The following ZNF560 variants were observed in gnomAD, a reference collection of about 807,000 sequenced individuals.
ZNF560 encodes zinc finger protein 560.
ZNF560 carries 54 observed loss-of-function variants against 81.8 expected under a neutral mutation model. The ratio of observed to expected loss-of-function variants is 0.66; its 90% CI spans 0.53 to 0.83. The LOEUF is 0.83. Ranked by LOEUF, ZNF560 falls within the 40% of genes least tolerant of loss-of-function variation. ZNF560 has a pLI of 0.00. For missense variants in ZNF560, 940 were observed against 932.4 expected (o/e 1.01, Z -0.11); for synonymous variants, 321 against 317.9 (o/e 1.01, Z -0.10).
intron 2 of ZNF560, among the ~76,000 whole-genome samples, chr19:9,487,098 C>A (rs774575512): frequency 6.6e-6 from 1 of 151,684 alleles, no homozygotes; most frequent in Non-Finnish European, 1.5e-5. Flanking sequence ...ATTGTGTGGT[C>A]CACCTCCAGC....
chr19:9,484,706 C>T (rs987525622), intron 2 of ZNF560, among the ~76,000 whole-genome samples: 1 of 151,222 alleles, frequency 6.6e-6, no homozygotes, highest in African/African-American at 2.4e-5. Context: ...TTGCTTGAAC[C>T]GCAGAGGCGG....
rs774081917 is a variant in ZNF560 at position 9,469,619 on chromosome 19, C to T, written c.529+11G>A. 6.2e-7 allele frequency: 1 copy of T among 1,613,616 alleles called. No individual in the cohort carries two copies. The highest frequency in any genetic ancestry group is 8.5e-7 in the Non-Finnish European group (1 of 1,179,524). ...TCTCATGGACCAGGGTTGTTCTTCACAAACACTCACCTTGGAGAACTCTTG... is the reference window on the plus strand; with the variant it reads ...TCTCATGGACCAGGGTTGTTCTTCATAAACACTCACCTTGGAGAACTCTTG... On this transcript the variant is annotated intron_variant, in intron 8 of 9. Coordinates refer to ENST00000301480, the MANE Select transcript of ZNF560 (RefSeq NM_152476.3).
chr19:9,505,414 A>G, the ZNF560 span, among the ~76,000 whole-genome samples: 1 of 152,222 alleles, frequency 6.6e-6, no homozygotes, highest in African/African-American at 2.4e-5. Context: ...CTTTTTATAT[A>G]AAGTGAATTT....
intron 2 of ZNF560, among the ~76,000 whole-genome samples, chr19:9,479,775 A>C (rs1224228936): frequency 2.6e-5 from 4 of 152,158 alleles, no homozygotes; most frequent in Non-Finnish European, 5.9e-5. Context: ...ATCTAAAGAT[A>C]TTTTAAAGTA....
Position 9,467,767 on chromosome 19 carries a change from G to A in ZNF560, c.1180C>T (p.His394Tyr), listed in dbSNP as rs757870097. The change falls in exon 10 of 10, where the codon CAT becomes TAT. Residue 394 changes from histidine (H) to tyrosine (Y), a missense_variant. Coordinates refer to ENST00000301480, the MANE Select transcript of ZNF560 (RefSeq NM_152476.3). ...TTCTCTCCAGTGTGAGTTCGTACAT[G>A]TTCAAGAAAGCCTGACGGCACAGTG... ...TFTVPSGFLE[H>Y]VRTHTGEKPY... 6.2e-7 allele frequency: 1 copy of A among 1,614,032 alleles called. No individual in the cohort carries two copies. Among genetic ancestry groups the A allele is most frequent in the African/African-American group, 1.3e-5 (1 of 74,928 alleles).
chr19:9,494,110 G>A lies in ZNF560; in HGVS notation c.-57+4018C>T, dbSNP rs569472292. ...TCACACCACCACTCCCAGCCTGGGC[G>A]AAAGAGTGAGACTCCATCTCAAAAA... On this transcript the variant is annotated intron_variant, in intron 2 of 9. Transcript: ENST00000301480. 1.3e-4 allele frequency among the ~76,000 whole-genome samples: 17 copies of A among 130,968 alleles called. No homozygotes were observed. In the South Asian group the frequency reaches 2.2e-3, roughly 17 times the overall value. 85.9% of individuals were successfully genotyped at this position (130,968 alleles called of 152,430 possible). A position where few individuals can be genotyped will look rare whatever the true frequency, so the allele number is the denominator to read the frequency against.
chr19:9,475,898 A>G (rs2073194308), intron 2 of ZNF560, among the ~76,000 whole-genome samples: 1 of 152,002 alleles, frequency 6.6e-6, no homozygotes, highest in Non-Finnish European at 1.5e-5. Flanking sequence ...GAGCCACTGC[A>G]CCTAGCCAGG....
the ZNF560 span, among the ~76,000 whole-genome samples, chr19:9,455,852 G>T: frequency 3.3e-5 from 5 of 152,072 alleles, no homozygotes; most frequent in African/African-American, 1.2e-4. Context: ...GACTGAGAGT[G>T]GGTAAAGGAA....
the ZNF560 span, among the ~76,000 whole-genome samples, chr19:9,457,248 G>A: frequency 6.6e-6 from 1 of 152,116 alleles, no homozygotes; most frequent in East Asian, 1.9e-4. Context: ...ATAACCTATT[G>A]GGGCATTACA....
downstream of ZNF560, among the ~76,000 whole-genome samples, chr19:9,465,554 G>A (rs538531205): frequency 6.6e-6 from 1 of 152,202 alleles, no homozygotes; most frequent in Admixed American, 6.5e-5. Context: ...TCATCAGAGT[G>A]TAAGTTCTTT....
chr19:9,489,155 G>C (rs1222801004), intron 2 of ZNF560, among the ~76,000 whole-genome samples: 1 of 152,244 alleles, frequency 6.6e-6, no homozygotes, highest in African/African-American at 2.4e-5. Context: ...AACTTGGAGA[G>C]GGCAGAAAGA....
chr19:9,462,723 A>G (rs1212527463), downstream of ZNF560, among the ~76,000 whole-genome samples: 1 of 152,216 alleles, frequency 6.6e-6, no homozygotes, highest in East Asian at 1.9e-4. Context: ...AATTACAAAG[A>G]TAATATAACA....
chr19:9,464,680 T>C (rs2072987449), downstream of ZNF560, among the ~76,000 whole-genome samples: 3 of 152,166 alleles, frequency 2.0e-5, no homozygotes, highest in Non-Finnish European at 4.4e-5. Context: ...ATCTACACTG[T>C]TAAAACAGGA....
At chr19:9,448,932 CAA>C in the ZNF560 span, among the ~76,000 whole-genome samples, 1 of 152,160 alleles carries the variant, frequency 6.6e-6, no homozygotes, top group Non-Finnish European at 1.5e-5. Context: ...GAAAAAAGGA[CAA>C]AGAGCACTAT....
chr19:9,469,199 G>A lies in ZNF560; in HGVS notation c.530-12C>T, dbSNP rs964573799. 4 of 1,566,872 alleles carry A rather than the reference G, an allele frequency of 2.6e-6. No homozygotes were observed. The highest frequency in any genetic ancestry group is 4.0e-5 in the Admixed American group (2 of 50,162). ...GCACATTTTCCATTCTGAAATAAAA[G>A]AGAAAAATATACATGAGAGTTTACA... On this transcript the variant is annotated splice_polypyrimidine_tract_variant and intron_variant, in intron 8 of 9. Transcript: ENST00000301480.
chr19:9,482,445 G>C (rs972782121), intron 2 of ZNF560, among the ~76,000 whole-genome samples: 1 of 149,492 alleles, frequency 6.7e-6, no homozygotes. Context: ...AGGGAGGGGG[G>C]AAGGGGGAGA....
chr19:9,483,648 G>A (rs1188124004), intron 2 of ZNF560, among the ~76,000 whole-genome samples: 1 of 145,800 alleles, frequency 6.9e-6, no homozygotes, highest in Non-Finnish European at 1.5e-5. Flanking sequence ...CCCCCCGCCG[G>A]CCAGCCGCCC....
rs756697156 is a variant in ZNF560, at chr19:9,474,189, G to C, written c.157+10C>G. On this transcript the variant is annotated intron_variant, in intron 4 of 9. Coordinates refer to ENST00000301480, the MANE Select transcript of ZNF560 (RefSeq NM_152476.3). ...CCCTAAGAGGCTGCATAAAATGATGGCAGTCTTACCTACTTTGGCCACGTT... is the reference window on the plus strand; with the variant it reads ...CCCTAAGAGGCTGCATAAAATGATGCCAGTCTTACCTACTTTGGCCACGTT... 6.2e-7 allele frequency: 1 copy of C among 1,613,998 alleles called. No homozygotes were observed. Among genetic ancestry groups the C allele is most frequent in the South Asian group, 1.1e-5 (1 of 91,078 alleles).
rs373114431 is a variant in ZNF560 at position 9,469,750 on chromosome 19, G to A, written c.449-40C>T. 64 of 1,564,518 alleles carry A rather than the reference G, an allele frequency of 4.1e-5. No homozygotes were observed. The African/African-American group carries it at 6.6e-4, about 16-fold the overall frequency. ...AGATACACCAATGGAAGAGGCTCAT[G>A]CAAGAAATGGCAAACTTTTCCATGA... On this transcript the variant is annotated intron_variant, in intron 7 of 9. Coordinates refer to ENST00000301480, the MANE Select transcript of ZNF560 (RefSeq NM_152476.3).
Sources: allele counts gnomAD v4.1 joint callset (sites outside exome capture counted in the v4.1 genomes callset), GRCh38; gene constraint gnomAD v4.1.1; transcripts MANE v1.5; gene names NCBI Gene and HGNC (gene_info 2026-07-23, HGNC 2026-07-21).